ENPP6: variants seen among roughly 807,000 people sequenced by gnomAD.
ENPP6 encodes the protein glycerophosphocholine cholinephosphodiesterase ENPP6.
ENPP6 carries 32 observed loss-of-function variants against 42.0 expected under a neutral mutation model. The ratio of observed to expected loss-of-function variants is 0.76; its 90% confidence interval spans 0.58 to 1.02. ENPP6 has a LOEUF of 1.02. ENPP6 is among the 50% of genes least tolerant of loss of function. The pLI, the probability that ENPP6 is intolerant of heterozygous loss-of-function variation, is 0.00. For synonymous variants in ENPP6, 213 were observed against 216.0 expected, an observed-to-expected ratio of 0.99 and a Z score of 0.12; for missense variants, 552 against 566.8, an observed-to-expected ratio of 0.97 and a Z score of 0.27.
intron 7 of ENPP6, among the ~76,000 whole-genome samples, chr4:184,096,069 C>T (rs973131150): frequency 5.3e-5 from 8 of 152,202 alleles, no homozygotes; most frequent in African/African-American, 1.2e-4. Context: ...GCTTCTAATG[C>T]TCCCTTGAGG....
intron 1 of ENPP6, among the ~76,000 whole-genome samples, chr4:184,162,662 G>A (rs1490035603): frequency 6.6e-6 from 1 of 152,130 alleles, no homozygotes; most frequent in African/African-American, 2.4e-5. Context: ...TAGGAATTAG[G>A]ATAGTCCTCA....
intron 1 of ENPP6, among the ~76,000 whole-genome samples, chr4:184,183,365 G>A (rs972758207): frequency 2.0e-5 from 3 of 152,198 alleles, no homozygotes; most frequent in Admixed American, 1.3e-4. Flanking sequence ...TATTGTAAGC[G>A]TAGACACTTC....
intron 1 of ENPP6, among the ~76,000 whole-genome samples, chr4:184,156,385 T>C (rs1304540053): frequency 6.6e-6 from 1 of 152,230 alleles, no homozygotes; most frequent in African/African-American, 2.4e-5. Flanking sequence ...TCATTTTTAT[T>C]GCCTCGGTAA....
chr4:184,155,666 T>A (rs1180644135), intron 1 of ENPP6, among the ~76,000 whole-genome samples: 1 of 152,178 alleles, frequency 6.6e-6, no homozygotes, highest in Non-Finnish European at 1.5e-5. Context: ...AAGCTTGAAT[T>A]GTTTGGACCA....
At chr4:184,103,241 T>C (rs1736035021) in intron 6 of ENPP6, among the ~76,000 whole-genome samples, 1 of 152,252 alleles carries the variant, frequency 6.6e-6, no homozygotes, top group African/African-American at 2.4e-5. Flanking sequence ...TTTTGACTAT[T>C]GTGTCTCCTT....
chr4:184,120,818 G>A (rs902418526), intron 3 of ENPP6, among the ~76,000 whole-genome samples: 4 of 152,192 alleles, frequency 2.6e-5, no homozygotes, highest in African/African-American at 7.2e-5. Flanking sequence ...GCAAAGAGGC[G>A]CGTCTGGACT....
At chr4:184,114,262 G>A (rs1736278100) in intron 5 of ENPP6, among the ~76,000 whole-genome samples, 1 of 152,156 alleles carries the variant, frequency 6.6e-6, no homozygotes, top group Admixed American at 6.5e-5. Context: ...CATCGCGCCT[G>A]GCCCTGTACA....
intron 1 of ENPP6, among the ~76,000 whole-genome samples, chr4:184,160,806 T>C (rs1051737121): frequency 5.3e-5 from 8 of 152,160 alleles, no homozygotes; most frequent in African/African-American, 1.9e-4. Context: ...TCTACCTCCA[T>C]ACTCCTGCTT....
At chr4:184,181,604 T>C (rs961241726) in intron 1 of ENPP6, among the ~76,000 whole-genome samples, 1 of 152,180 alleles carries the variant, frequency 6.6e-6, no homozygotes, top group Non-Finnish European at 1.5e-5. Context: ...CTACCTGACT[T>C]CAAACTATAC....
intron 1 of ENPP6, among the ~76,000 whole-genome samples, chr4:184,198,601 C>A (rs930437031): frequency 6.6e-6 from 1 of 152,170 alleles, no homozygotes; most frequent in East Asian, 1.9e-4. Context: ...AAAACCAAAC[C>A]AAAGCACAAA....
intron 2 of ENPP6, among the ~76,000 whole-genome samples, chr4:184,131,201 C>CTTTCTTT (rs376993212): frequency 0.12 from 8,376 of 70,490 alleles, 655 homozygotes; most frequent in Middle Eastern, 0.16. Context: ...TTCTTTCTTT[C>CTTTCTTT]TTCTTTCTTT....
intron 1 of ENPP6, among the ~76,000 whole-genome samples, chr4:184,161,947 T>C (rs1369915977): frequency 6.6e-6 from 1 of 152,122 alleles, no homozygotes; most frequent in Non-Finnish European, 1.5e-5. Context: ...GCTTGGGTGA[T>C]GGGTGTACCA....
At chr4:184,142,788 A>C (rs2111369515) in intron 2 of ENPP6, among the ~76,000 whole-genome samples, 1 of 152,352 alleles carries the variant, frequency 6.6e-6, no homozygotes, top group East Asian at 1.9e-4. Context: ...TGGTGAAACT[A>C]CAGCCAGGCA....
intron 6 of ENPP6, among the ~76,000 whole-genome samples, chr4:184,106,801 C>T (rs1194717028): frequency 6.6e-6 from 1 of 152,158 alleles, no homozygotes; most frequent in East Asian, 1.9e-4. Flanking sequence ...CCCAGTGGCT[C>T]CCCACTGTGG....
At chr4:184,153,480 CAG>C in intron 2 of ENPP6, 72 bp downstream of exon 2, 5 of 1,474,426 alleles carry the variant, frequency 3.4e-6, no homozygotes, top group Middle Eastern at 2.2e-4. Flanking sequence ...GGTCTTCAAA[CAG>C]TAACTTGACA....
At chr4:184,181,520 T>C (rs1339997057) in intron 1 of ENPP6, among the ~76,000 whole-genome samples, 1 of 152,116 alleles carries the variant, frequency 6.6e-6, no homozygotes, top group Non-Finnish European at 1.5e-5. Flanking sequence ...ACTTTAAAAT[T>C]CATATGGAAC....
At position 184,217,852 on chromosome 4, in the gene ENPP6, C is replaced by G; in HGVS notation, c.-33G>C. On this transcript the variant is annotated 5_prime_UTR_variant, in exon 1 of 8. Coordinates refer to ENST00000296741, the MANE Select transcript of ENPP6 (RefSeq NM_153343.4). ...GGAGCCTGCCAGAGCCCGGCTGGCA[C>G]AGCTGTCGCCTTGCAAAGACTGAGG... is the stretch of plus-strand genomic sequence containing the variant. 6.2e-7 allele frequency: 1 copy of G among 1,604,708 alleles called. No individual in the cohort carries two copies. Among genetic ancestry groups the G allele is most frequent in the Non-Finnish European group, 8.5e-7 (1 of 1,176,020 alleles).
chr4:184,131,237 T>TC (rs1305502577), intron 2 of ENPP6, among the ~76,000 whole-genome samples: 10 of 20,604 alleles, frequency 4.9e-4, no homozygotes, highest in African/African-American at 2.7e-3. Flanking sequence ...TTTCTTTCCT[T>TC]TTCTTTCTTT....
At chr4:184,128,623 A>G (rs1184736083) in intron 2 of ENPP6, among the ~76,000 whole-genome samples, 1 of 152,102 alleles carries the variant, frequency 6.6e-6, no homozygotes, top group Non-Finnish European at 1.5e-5. Context: ...CACACAAAGA[A>G]ATCTTGGAAA....
Sources: allele counts gnomAD v4.1 joint callset (sites outside exome capture counted in the v4.1 genomes callset), GRCh38; gene constraint gnomAD v4.1.1; transcripts MANE v1.5; gene names NCBI Gene and HGNC (gene_info 2026-07-23, HGNC 2026-07-21).